MSI2: variants seen among roughly 807,000 people sequenced by gnomAD.
MSI2 encodes the protein RNA-binding protein Musashi homolog 2.
In MSI2, 17 loss-of-function variants were observed where a neutral mutation model predicts 45.6. That is an observed-to-expected ratio of 0.37 (90% CI 0.26 to 0.56). The LOEUF (loss-of-function observed/expected upper bound fraction) is 0.56. MSI2 is among the 20% of genes least tolerant of loss of function. MSI2 has a pLI of 0.77. For synonymous variants in MSI2, 156 were observed against 158.2 expected (o/e 0.99, Z 0.11); for missense variants, 293 against 444.2 (o/e 0.66, Z 3.06).
At chr17:57,463,450 C>G (rs1036932838) in intron 6 of MSI2, among the ~76,000 whole-genome samples, 4 of 152,192 alleles carry the variant, frequency 2.6e-5, no homozygotes, top group Admixed American at 6.5e-5. Flanking sequence ...GCCTCCCTCC[C>G]CATGGCCCCA....
intron 5 of MSI2, among the ~76,000 whole-genome samples, chr17:57,323,977 A>T (rs1424864131): frequency 6.6e-6 from 1 of 152,106 alleles, no homozygotes; most frequent in Non-Finnish European, 1.5e-5. Context: ...GTGACAGTAA[A>T]AGGAAGACTA....
chr17:57,307,380 A>G (rs572164888), intron 5 of MSI2, among the ~76,000 whole-genome samples: 108 of 152,030 alleles, frequency 7.1e-4, no homozygotes, highest in Non-Finnish European at 1.4e-3. Context: ...GGACTGCAAC[A>G]TGGAAACCCT....
chr17:57,652,082 C>T lies in MSI2; in HGVS notation c.728-17C>T. On this transcript the variant is annotated splice_polypyrimidine_tract_variant and intron_variant, in intron 10 of 13. Coordinates refer to ENST00000284073, the MANE Select transcript of MSI2 (RefSeq NM_138962.4). This position sits in a 1 kb window ranked among gnomAD's most constrained non-coding sequence, Gnocchi z 4.1. ...AAGGATTCCTCCATGACTCAGGCTC[C>T]TCTCTCTCCTGACCAGGCTTCCCAG... 1.9e-6 allele frequency: 3 copies of T among 1,613,522 alleles called. No individual in the cohort carries two copies. The highest frequency in any genetic ancestry group is 2.5e-6 in the Non-Finnish European group (3 of 1,179,532).
chr17:57,324,219 G>T (rs1913594308), intron 5 of MSI2, among the ~76,000 whole-genome samples: 1 of 152,176 alleles, frequency 6.6e-6, no homozygotes, highest in Non-Finnish European at 1.5e-5. Flanking sequence ...GGCCGGGAGA[G>T]TCTCTGAGCA....
intron 5 of MSI2, among the ~76,000 whole-genome samples, chr17:57,360,469 G>C (rs1292774697): frequency 6.6e-6 from 1 of 152,230 alleles, no homozygotes. Context: ...AGGGCTCCAG[G>C]TTCCACTTTT....
chr17:57,440,217 G>C (rs893425501), intron 6 of MSI2, among the ~76,000 whole-genome samples: 1 of 152,186 alleles, frequency 6.6e-6, no homozygotes, highest in Non-Finnish European at 1.5e-5. Flanking sequence ...AGAGGTCTGA[G>C]AAGTGAACTG....
chr17:57,301,103 A>G (rs1011111709), intron 5 of MSI2, among the ~76,000 whole-genome samples: 3 of 152,210 alleles, frequency 2.0e-5, no homozygotes, highest in African/African-American at 7.2e-5. Context: ...AAAACATCCC[A>G]GAAGCCTTAT....
At chr17:57,492,891 C>T (rs922317900) in intron 6 of MSI2, among the ~76,000 whole-genome samples, 9 of 152,352 alleles carry the variant, frequency 5.9e-5, no homozygotes, top group African/African-American at 2.2e-4. Context: ...GCCACCATGT[C>T]CAGCCTGGGT....
intron 5 of MSI2, among the ~76,000 whole-genome samples, chr17:57,359,783 A>T (rs933565505): frequency 1.2e-4 from 18 of 152,084 alleles, no homozygotes; most frequent in African/African-American, 4.3e-4. Flanking sequence ...TGGTTGGCTT[A>T]CTCTGCTTTC....
intron 7 of MSI2, among the ~76,000 whole-genome samples, chr17:57,566,236 A>G (rs886064030): frequency 2.6e-5 from 4 of 152,210 alleles, no homozygotes; most frequent in South Asian, 4.1e-4. Context: ...GTGGAAACAA[A>G]TACAGCAGAG....
intron 10 of MSI2, among the ~76,000 whole-genome samples, chr17:57,635,025 T>A (rs947009675): frequency 1.2e-4 from 18 of 152,208 alleles, no homozygotes; most frequent in Non-Finnish European, 1.9e-4. Flanking sequence ...CAGGTAGCCA[T>A]GTGCTCAGAT....
chr17:57,692,203 T>G, the MSI2 span, among the ~76,000 whole-genome samples: 11 of 152,332 alleles, frequency 7.2e-5, no homozygotes, highest in African/African-American at 2.6e-4. Flanking sequence ...ATAAGCCCAC[T>G]GGGTCATGAT....
At chr17:57,318,229 G>A (rs1237654857) in intron 5 of MSI2, among the ~76,000 whole-genome samples, 2 of 152,134 alleles carry the variant, frequency 1.3e-5, no homozygotes, top group Non-Finnish European at 2.9e-5. Flanking sequence ...GGGCAGGTGT[G>A]AGCATGTCCT....
chr17:57,667,440 T>C (rs543972334), intron 11 of MSI2, among the ~76,000 whole-genome samples: 4 of 152,158 alleles, frequency 2.6e-5, no homozygotes, highest in Non-Finnish European at 5.9e-5. Flanking sequence ...CATCCTGCGT[T>C]TGAGACTCGA....
intron 5 of MSI2, among the ~76,000 whole-genome samples, chr17:57,345,049 C>T (rs1319372333): frequency 2.0e-5 from 3 of 151,538 alleles, no homozygotes; most frequent in Admixed American, 6.6e-5. Context: ...GGCGACAGGG[C>T]GAGACTCCGT....
At chr17:57,257,835 A>G (rs1906941061) in intron 3 of MSI2, among the ~76,000 whole-genome samples, 1 of 148,332 alleles carries the variant, frequency 6.7e-6, no homozygotes, top group Admixed American at 6.7e-5. Flanking sequence ...TTACTTTCGC[A>G]TAGTTTTTTT....
chr17:57,525,272 TG>T (rs370874342), intron 6 of MSI2, among the ~76,000 whole-genome samples: 8 of 151,314 alleles, frequency 5.3e-5, no homozygotes, highest in Non-Finnish European at 1.0e-4. Context: ...TTTGCTTTTT[TG>T]GGGGGGGCAG....
chr17:57,355,467 T>C (rs963176535), intron 5 of MSI2, among the ~76,000 whole-genome samples: 1 of 152,258 alleles, frequency 6.6e-6, no homozygotes, highest in Non-Finnish European at 1.5e-5. Flanking sequence ...AGCTTTGGTC[T>C]GTCCTCTTTG....
At chr17:57,565,010 TA>T (rs1329064949) in intron 7 of MSI2, among the ~76,000 whole-genome samples, 1 of 152,192 alleles carries the variant, frequency 6.6e-6, no homozygotes, top group Non-Finnish European at 1.5e-5. Context: ...CTGAGTACCT[TA>T]CATATGTTGC....
Sources: gnomAD v4.1 joint callset for allele counts (sites outside exome capture counted in the v4.1 genomes callset) on GRCh38, gnomAD v4.1.1 for gene constraint, Gnocchi (gnomAD v3.1) non-coding constraint, MANE v1.5 for transcripts, NCBI Gene and HGNC (gene_info 2026-07-23, HGNC 2026-07-21) for gene names.